GABRG3: variants seen among roughly 807,000 people sequenced by gnomAD.
GABRG3 encodes gamma-aminobutyric acid type A receptor subunit gamma3, also known as gamma-aminobutyric acid receptor subunit gamma-3.
In GABRG3, 25 loss-of-function variants were observed where a neutral mutation model predicts 48.8. The ratio of observed to expected loss-of-function variants is 0.51; its 90% CI spans 0.37 to 0.72. The LOEUF is 0.72. GABRG3 is among the 30% of genes least tolerant of loss of function. The pLI, the probability that GABRG3 is intolerant of heterozygous loss-of-function variation, is 0.00. For synonymous variants in GABRG3, 227 were observed against 217.6 expected, an observed-to-expected ratio of 1.04 and a Z score of -0.38; for missense variants, 394 against 577.9, an observed-to-expected ratio of 0.68 and a Z score of 3.26.
intron 3 of GABRG3, among the ~76,000 whole-genome samples, chr15:27,152,554 C>T (rs557697700): frequency 3.0e-4 from 46 of 152,106 alleles, no homozygotes; most frequent in Non-Finnish European, 5.3e-4. Flanking sequence ...TTTTATTAAA[C>T]CTGTCTGTCA....
At chr15:27,219,690 G>T (rs1244368822) in intron 3 of GABRG3, among the ~76,000 whole-genome samples, 4 of 152,222 alleles carry the variant, frequency 2.6e-5, no homozygotes, top group African/African-American at 9.6e-5. Flanking sequence ...GCTGGCCACT[G>T]TTGGGTGTGC....
At chr15:27,040,280 A>G (rs939334059) in intron 3 of GABRG3, among the ~76,000 whole-genome samples, 2 of 152,232 alleles carry the variant, frequency 1.3e-5, no homozygotes, top group Non-Finnish European at 2.9e-5. Context: ...AGAGCCCTTG[A>G]GATGCAGCCA....
At chr15:27,058,071 G>A (rs1312980946) in intron 3 of GABRG3, among the ~76,000 whole-genome samples, 1 of 152,182 alleles carries the variant, frequency 6.6e-6, no homozygotes, top group Non-Finnish European at 1.5e-5. Flanking sequence ...TGGTTGGGTG[G>A]TGAGGCTGCA....
At chr15:27,367,229 G>A (rs147476081) in intron 5 of GABRG3, among the ~76,000 whole-genome samples, 8 of 152,214 alleles carry the variant, frequency 5.3e-5, no homozygotes, top group South Asian at 2.1e-4. Flanking sequence ...TTCCTGTCTC[G>A]TGAGAACACC....
intron 3 of GABRG3, among the ~76,000 whole-genome samples, chr15:27,304,872 A>G (rs1007580932): frequency 6.6e-6 from 1 of 151,980 alleles, no homozygotes; most frequent in African/African-American, 2.4e-5. Flanking sequence ...TTCTTTACAT[A>G]TTCTGATATT....
chr15:27,228,270 G>A (rs887660550), intron 3 of GABRG3, among the ~76,000 whole-genome samples: 2 of 152,068 alleles, frequency 1.3e-5, no homozygotes, highest in African/African-American at 4.8e-5. Context: ...TCATGTTCGT[G>A]AGTTCTCATC....
intron 3 of GABRG3, among the ~76,000 whole-genome samples, chr15:27,263,943 AAGAAAAAAAAG>A (rs1890842609): frequency 3.4e-5 from 3 of 87,384 alleles, no homozygotes; most frequent in African/African-American, 1.2e-4. Context: ...AAAAAAGAAA[AAGAAAAAAAAG>A]AAAAGTGCTG....
At chr15:27,461,347 A>G (rs976056968) in intron 5 of GABRG3, among the ~76,000 whole-genome samples, 32 of 152,272 alleles carry the variant, frequency 2.1e-4, no homozygotes, top group African/African-American at 7.5e-4. Flanking sequence ...ACAAACATTG[A>G]CTAGTCTGAT....
intron 6 of GABRG3, among the ~76,000 whole-genome samples, chr15:27,482,737 A>G (rs549574501): frequency 8.5e-4 from 130 of 152,334 alleles, no homozygotes; most frequent in African/African-American, 3.0e-3. Flanking sequence ...CCAAGTTTTC[A>G]AGCTTATGTA....
chr15:27,518,195 C>CAAAAAAAAAAAAAAAAAAAAAA (rs58222645), intron 6 of GABRG3, among the ~76,000 whole-genome samples: 5 of 88,026 alleles, frequency 5.7e-5, no homozygotes, highest in African/African-American at 2.1e-4. Context: ...ACTAAAAATA[C>CAAAAAAAAAAAAAAAAAAAAAA]AAAAAAAAAA....
chr15:27,300,043 CAT>C (rs962726161), intron 3 of GABRG3, among the ~76,000 whole-genome samples: 12 of 152,086 alleles, frequency 7.9e-5, no homozygotes, highest in African/African-American at 2.2e-4. Flanking sequence ...GTTCCAGAAA[CAT>C]GTGGAATAAA....
At chr15:27,224,202 C>T (rs948526113) in intron 3 of GABRG3, among the ~76,000 whole-genome samples, 1 of 152,208 alleles carries the variant, frequency 6.6e-6, no homozygotes, top group Non-Finnish European at 1.5e-5. Flanking sequence ...TGTTTTCATC[C>T]CCGGTGCTTT....
At chr15:27,083,994 G>C (rs1897034339) in intron 3 of GABRG3, among the ~76,000 whole-genome samples, 1 of 152,312 alleles carries the variant, frequency 6.6e-6, no homozygotes, top group East Asian at 1.9e-4. Context: ...AGTGTGTGCA[G>C]GGAAGCCTGG....
chr15:27,271,898 C>A (rs1891102905), intron 3 of GABRG3, among the ~76,000 whole-genome samples: 1 of 152,164 alleles, frequency 6.6e-6, no homozygotes, highest in African/African-American at 2.4e-5. Flanking sequence ...GCATAAGTAT[C>A]CCCTGGGAGC....
rs371357938 is a variant in GABRG3, at chr15:27,053,931, A to G, written c.270+27110A>G. 7.9e-5 allele frequency among the ~76,000 whole-genome samples: 12 copies of G among 152,326 alleles called. No individual in the cohort carries two copies. The South Asian group carries it at 2.5e-3, about 32-fold the overall frequency. ...AGTGGAAGCTAAATTTTGGATACACATGGACATAAAGATGGGAATAGACAC... is the reference window on the plus strand; with the variant it reads ...AGTGGAAGCTAAATTTTGGATACACGTGGACATAAAGATGGGAATAGACAC... On this transcript the variant is annotated intron_variant, in intron 3 of 9. Transcript: ENST00000615808.
chr15:27,002,730 G>A (rs1481428847), intron 2 of GABRG3, among the ~76,000 whole-genome samples: 5 of 127,090 alleles, frequency 3.9e-5, no homozygotes, highest in Non-Finnish European at 3.2e-5. Flanking sequence ...GAAACATAGT[G>A]AGACCGTGTC....
intron 3 of GABRG3, among the ~76,000 whole-genome samples, chr15:27,107,915 C>G (rs1250328609): frequency 1.3e-5 from 2 of 150,842 alleles, no homozygotes; most frequent in Admixed American, 6.6e-5. Context: ...GTAATAACCC[C>G]TCTTTCATTT....
intron 5 of GABRG3, among the ~76,000 whole-genome samples, chr15:27,416,147 G>A (rs1309299509): frequency 2.0e-5 from 3 of 152,226 alleles, no homozygotes; most frequent in Non-Finnish European, 4.4e-5. Flanking sequence ...GTCAAACTGT[G>A]CCTATTAGAA....
Position 27,535,014 on chromosome 15 carries a change from A to C in GABRG3, c.*2133A>C, listed in dbSNP as rs2150867798. Reference sequence around the variant, plus strand: ...GATGCAATGTCTCCTCTATTGGAGAATTTCACACTCTGGTACTCTAGTTCT... The same window carrying C: ...GATGCAATGTCTCCTCTATTGGAGACTTTCACACTCTGGTACTCTAGTTCT... On this transcript the variant is annotated 3_prime_UTR_variant, in exon 10 of 10. Transcript: ENST00000615808. The C allele has an allele frequency of 6.6e-6, 1 of 152,308 alleles. No homozygotes were observed. The highest frequency in any genetic ancestry group is 2.1e-4 in the South Asian group (1 of 4,828). The allele number at this position is 152,308 out of a possible 1,614,324, so 9.4% of individuals were successfully genotyped here.
Sources: allele counts gnomAD v4.1 joint callset (sites outside exome capture counted in the v4.1 genomes callset), GRCh38; gene constraint gnomAD v4.1.1; transcripts MANE v1.5; gene names NCBI Gene and HGNC (gene_info 2026-07-23, HGNC 2026-07-21).